The following GGA2 variants were observed in gnomAD, a reference collection of about 807,000 sequenced individuals.
GGA2 encodes the protein golgi associated, gamma adaptin ear containing, ARF binding protein 2, also known as ADP-ribosylation factor-binding protein GGA2.
Under a neutral mutation model 79.5 loss-of-function variants are expected in GGA2, and 48 were observed. That is an observed-to-expected ratio of 0.60 (90% confidence interval 0.48 to 0.77). GGA2 has a LOEUF of 0.77. Ranked by LOEUF, GGA2 falls within the 30% of genes least tolerant of loss-of-function variation. GGA2 has a pLI of 0.00. For synonymous variants in GGA2, 317 were observed against 302.0 expected (o/e 1.05, Z -0.51); for missense variants, 770 against 774.0 (o/e 0.99, Z 0.06).
chr16:23,471,248 T>C (rs1291506128), intron 14 of GGA2, among the ~76,000 whole-genome samples: 1 of 152,176 alleles, frequency 6.6e-6, no homozygotes, highest in Non-Finnish European at 1.5e-5. Flanking sequence ...TACCACCTTA[T>C]ATTTAATTGT....
Position 23,486,875 on chromosome 16 carries a change from C to T in GGA2, c.580-85G>A. On this transcript the variant is annotated intron_variant, in intron 6 of 16. Transcript: ENST00000309859. ...AGCAGCAGCAACAGAAGAGTTAACA[C>T]TAACAACAGTGCACACATTTTACAT... 4.9e-6 allele frequency: 4 copies of T among 816,836 alleles called. No individual in the cohort carries two copies. The South Asian group carries it at 5.3e-5, about 11-fold the overall frequency. 50.6% of individuals were successfully genotyped at this position (816,836 alleles called of 1,614,324 possible).
intron 1 of GGA2, among the ~76,000 whole-genome samples, chr16:23,506,191 G>A (rs924324419): frequency 2.0e-5 from 3 of 152,038 alleles, no homozygotes; most frequent in South Asian, 4.2e-4. Context: ...ACCACCCCCT[G>A]GTGACTTCAT....
chr16:23,524,202 G>T (rs1305423222), upstream of GGA2: 2 of 667,568 alleles, frequency 3.0e-6, no homozygotes, highest in African/African-American at 3.6e-5. Flanking sequence ...TGACAAAAAC[G>T]TGCCTGTGGT....
chr16:23,523,732 G>C (rs1965178070), upstream of GGA2: 2 of 152,266 alleles, frequency 1.3e-5, no homozygotes, highest in South Asian at 4.1e-4. Flanking sequence ...TGTACTTGGA[G>C]ATTGAGCATT....
chr16:23,499,543 A>T (rs1216896930), intron 1 of GGA2, among the ~76,000 whole-genome samples: 1 of 152,192 alleles, frequency 6.6e-6, no homozygotes, highest in Non-Finnish European at 1.5e-5. Context: ...ACAAAATGTA[A>T]GGAGGTTTCT....
At chr16:23,474,876 A>AG (rs375739252) in intron 14 of GGA2, 28 bp downstream of exon 14, 898 of 1,510,232 alleles carry the variant, frequency 5.9e-4, no homozygotes, top group Non-Finnish European at 7.4e-4. Context: ...GAAAAAAAAA[A>AG]AAAGGTGGGG....
In GGA2 at chr16:23,464,277, A is replaced by G. The variant is rs1964407140; in HGVS notation, c.*3313T>C. 1 of 152,226 alleles carries G rather than the reference A, an allele frequency of 6.6e-6. No individual in the cohort carries two copies. Among genetic ancestry groups the G allele is most frequent in the African/African-American group, 2.4e-5 (1 of 41,452 alleles). 9.4% of individuals were successfully genotyped at this position (152,226 alleles called of 1,614,324 possible). A position where few individuals can be genotyped will look rare whatever the true frequency, so the allele number is the denominator to read the frequency against. On this transcript the variant is annotated 3_prime_UTR_variant, in exon 17 of 17. Transcript: ENST00000309859. ...CTTAAGTTCATGGAAGATAATAGGA[A>G]GAGTAATTAACTGCAGCAAAAGGTT...
intron 2 of GGA2, among the ~76,000 whole-genome samples, chr16:23,518,952 A>G (rs948517333): frequency 6.6e-6 from 1 of 152,214 alleles, no homozygotes; most frequent in Non-Finnish European, 1.5e-5. Flanking sequence ...AAAAAGTACT[A>G]TGAAGGCAAA....
At chr16:23,509,476 G>A (rs1360833704) in intron 1 of GGA2, among the ~76,000 whole-genome samples, 4 of 152,034 alleles carry the variant, frequency 2.6e-5, no homozygotes, top group African/African-American at 7.3e-5. Flanking sequence ...TGTGACTGCC[G>A]GCTTGTACCC....
In GGA2 at chr16:23,493,442, A is replaced by G. The variant is rs1964814669; in HGVS notation, c.269T>C (p.Met90Thr). 1 of 1,610,278 alleles carries G rather than the reference A, an allele frequency of 6.2e-7. No individual in the cohort carries two copies. The highest frequency in any genetic ancestry group is 8.5e-7 in the Non-Finnish European group (1 of 1,176,530). ...GTGGAACTTCTCCCCACAGTGGTTC[A>G]TGCACATCTCCAGCACCTGCACAGA... Reference protein sequence around the residue: ...LYALTVLEMCMNHCGEKFHSE... With the variant: ...LYALTVLEMCTNHCGEKFHSE... The change falls in exon 4 of 17, where the codon ATG becomes ACG. Residue 90 changes from methionine to threonine, a missense_variant. Physicochemically the swap from Met to Thr is moderately conservative, Grantham distance 81. Transcript: ENST00000309859.
chr16:23,513,499 C>A (rs1487502661), upstream of GGA2, among the ~76,000 whole-genome samples: 1 of 151,986 alleles, frequency 6.6e-6, no homozygotes, highest in Non-Finnish European at 1.5e-5. Flanking sequence ...TAAAGAAATT[C>A]TCAGTCGGGC....
chr16:23,485,565 C>T (rs1396335473), intron 8 of GGA2, among the ~76,000 whole-genome samples: 1 of 152,092 alleles, frequency 6.6e-6, no homozygotes, highest in Non-Finnish European at 1.5e-5. Flanking sequence ...AAATCCCGTA[C>T]AAAATTGTTT....
intron 7 of GGA2, among the ~76,000 whole-genome samples, chr16:23,486,419 C>T (rs1176368768): frequency 6.6e-6 from 1 of 152,202 alleles, no homozygotes; most frequent in African/African-American, 2.4e-5. Context: ...ATTCCTAAAC[C>T]TGGACTTTGT....
intron 8 of GGA2, 80 bp from the exon 9 acceptor site, chr16:23,483,084 T>C: frequency 1.2e-6 from 1 of 853,510 alleles, no homozygotes; most frequent in Admixed American, 1.9e-5. Context: ...GAGCCTTCGA[T>C]CAGGCAGACG....
chr16:23,494,310 G>A lies in GGA2; in HGVS notation c.245C>T (p.Ala82Val). The A allele has an allele frequency of 6.2e-7, 1 of 1,604,366 alleles. No individual in the cohort carries two copies. The highest frequency in any genetic ancestry group is 1.7e-5 in the Admixed American group (1 of 60,012). ...AAGGCAAGCCAAACTCACCGTTAAGGCATAAAGAGCTTCCTTCTCTTGCGG... is the reference window on the plus strand; with the variant it reads ...AAGGCAAGCCAAACTCACCGTTAAGACATAAAGAGCTTCCTTCTCTTGCGG... ...QSPQEKEALY[A>V]LTVLEMCMNH... The change falls in exon 3 of 17, where the codon GCC becomes GTC. Residue 82 changes from alanine (A) to valine (V), a missense_variant. Ala to Val is a moderately conservative substitution (Grantham distance 64). Coordinates refer to ENST00000309859, the MANE Select transcript of GGA2 (RefSeq NM_015044.4).
At chr16:23,507,583 G>A (rs1408213379) in intron 1 of GGA2, among the ~76,000 whole-genome samples, 2 of 151,700 alleles carry the variant, frequency 1.3e-5, no homozygotes, top group Admixed American at 6.6e-5. Context: ...AGCTGAGATC[G>A]TGCCACTGTA....
intron 8 of GGA2, among the ~76,000 whole-genome samples, chr16:23,485,127 G>T (rs1485869363): frequency 2.0e-5 from 3 of 152,228 alleles, no homozygotes; most frequent in African/African-American, 7.2e-5. Context: ...AAGGAAGCCA[G>T]ACACGAAAGC....
Position 23,465,353 on chromosome 16 carries a change from A to C in GGA2, c.*2237T>G, listed in dbSNP as rs1326128850. ...TAAGTGGCCACTGGACTTGCTGATT[A>C]GAAGGGAGTGATGCCATAAACCACA... On this transcript the variant is annotated 3_prime_UTR_variant, in exon 17 of 17. Transcript: ENST00000309859. The C allele has an allele frequency of 1.4e-6, 1 of 702,912 alleles. No homozygotes were observed. Among genetic ancestry groups the C allele is most frequent in the East Asian group, 2.7e-5 (1 of 37,286 alleles). 43.5% of individuals were successfully genotyped at this position (702,912 alleles called of 1,614,324 possible).
intron 5 of GGA2, among the ~76,000 whole-genome samples, chr16:23,489,886 AAAAC>A (rs1964761332): frequency 1.3e-5 from 2 of 152,162 alleles, no homozygotes; most frequent in South Asian, 4.1e-4. Flanking sequence ...AGAAAAAACA[AAAAC>A]AAACCCTAGT....
Sources: allele counts gnomAD v4.1 joint callset (sites outside exome capture counted in the v4.1 genomes callset), GRCh38; gene constraint gnomAD v4.1.1; transcripts MANE v1.5; gene names NCBI Gene and HGNC (gene_info 2026-07-23, HGNC 2026-07-21).